Variants in PIEZO2 observed in about 807,000 individuals in gnomAD.
PIEZO2 encodes the protein piezo-type mechanosensitive ion channel component 2.
In PIEZO2, 172 loss-of-function variants were observed where a neutral mutation model predicts 337.3. That is an observed-to-expected ratio of 0.51 (90% CI 0.45 to 0.58). The LOEUF is 0.58. PIEZO2 is among the 20% of genes least tolerant of loss of function. The pLI, the probability that PIEZO2 is intolerant of heterozygous loss-of-function variation, is 0.00. For missense variants in PIEZO2, 3,028 were observed against 3,391.3 expected, an observed-to-expected ratio of 0.89 and a Z score of 2.66; for synonymous variants, 1,251 against 1,228.5, an observed-to-expected ratio of 1.02 and a Z score of -0.38.
At chr18:10,723,158 G>T (rs2036392912) in intron 36 of PIEZO2, among the ~76,000 whole-genome samples, 1 of 151,788 alleles carries the variant, frequency 6.6e-6, no homozygotes, top group Non-Finnish European at 1.5e-5. Flanking sequence ...GTAGAGATGG[G>T]GTTTCTGCAT....
chr18:10,777,108 T>A (rs2038818423), intron 18 of PIEZO2, among the ~76,000 whole-genome samples: 1 of 152,200 alleles, frequency 6.6e-6, no homozygotes, highest in South Asian at 2.1e-4. Flanking sequence ...CTGCCTTCAA[T>A]CAGGCTGCTT....
chr18:10,697,885 A>T lies in PIEZO2; in HGVS notation c.6695-5T>A, dbSNP rs1358598799. 2 of 1,606,040 alleles carry T rather than the reference A, an allele frequency of 1.2e-6. No homozygotes were observed. The highest frequency in any genetic ancestry group is 1.7e-6 in the Non-Finnish European group (2 of 1,175,200). Reference sequence around the variant, plus strand: ...TGTTTCGGGTGCTTGTGCTGCCTAGAAATAAAAAGAGATCATAAGATGGGT... The same window carrying T: ...TGTTTCGGGTGCTTGTGCTGCCTAGTAATAAAAAGAGATCATAAGATGGGT... On this transcript the variant is annotated splice_polypyrimidine_tract_variant and splice_region_variant and intron_variant, in intron 44 of 55. Transcript: ENST00000674853.
chr18:11,007,085 A>G (rs1370674037), intron 2 of PIEZO2, among the ~76,000 whole-genome samples: 1 of 152,172 alleles, frequency 6.6e-6, no homozygotes, highest in East Asian at 1.9e-4. Flanking sequence ...ATTGTTAACT[A>G]TAGTCTCCTT....
rs2032766505 is a variant in PIEZO2 at position 10,942,223 on chromosome 18, T to C, written c.287-30995A>G. Reference sequence around the variant, plus strand: ...AGGGTGGGGCGCTGCTGAAAAGATATCCCAAAATGTGAAAGCGATTTTGGA... The same window carrying C: ...AGGGTGGGGCGCTGCTGAAAAGATACCCCAAAATGTGAAAGCGATTTTGGA... On this transcript the variant is annotated intron_variant, in intron 3 of 55. Coordinates refer to ENST00000674853, the MANE Select transcript of PIEZO2 (RefSeq NM_001378183.1). The surrounding 1 kb of genome is among the most constrained non-coding windows in gnomAD (Gnocchi z 4.4). 6.6e-6 allele frequency among the ~76,000 whole-genome samples: 1 copy of C among 152,110 alleles called. No individual in the cohort carries two copies. Among genetic ancestry groups the C allele is most frequent in the East Asian group, 1.9e-4 (1 of 5,196 alleles).
intron 3 of PIEZO2, among the ~76,000 whole-genome samples, chr18:10,921,124 G>T (rs1296406308): frequency 1.3e-5 from 2 of 152,154 alleles, no homozygotes; most frequent in African/African-American, 4.8e-5. Flanking sequence ...TCTAATAGAG[G>T]CCAGCTTTGA....
intron 2 of PIEZO2, among the ~76,000 whole-genome samples, chr18:11,042,494 T>C (rs2145813187): frequency 6.6e-6 from 1 of 152,370 alleles, no homozygotes; most frequent in East Asian, 1.9e-4. Flanking sequence ...ACATCACCAG[T>C]GACCAGTGTC....
intron 1 of PIEZO2, among the ~76,000 whole-genome samples, chr18:11,137,855 T>G (rs2040535165): frequency 6.6e-6 from 1 of 152,196 alleles, no homozygotes; most frequent in Non-Finnish European, 1.5e-5. Flanking sequence ...ACAGATCGAT[T>G]TGTGTGGTTC....
chr18:10,674,411 T>C (rs2033902921), intron 54 of PIEZO2, among the ~76,000 whole-genome samples: 1 of 152,256 alleles, frequency 6.6e-6, no homozygotes, highest in South Asian at 2.1e-4. Context: ...TAAGAGATAC[T>C]TATTTACTGC....
intron 2 of PIEZO2, among the ~76,000 whole-genome samples, chr18:11,026,430 C>T (rs554627766): frequency 4.6e-5 from 7 of 152,240 alleles, no homozygotes; most frequent in East Asian, 3.9e-4. Context: ...GTGACTTCCC[C>T]GTTCCCGGAG....
Position 10,979,695 on chromosome 18 carries a change from C to T in PIEZO2, c.161-35G>A, listed in dbSNP as rs1481839195. On this transcript the variant is annotated intron_variant, in intron 2 of 55. Coordinates refer to ENST00000674853, the MANE Select transcript of PIEZO2 (RefSeq NM_001378183.1). The surrounding 1 kb of genome is among the most constrained non-coding windows in gnomAD (Gnocchi z 4.0). ...AAAAAGTGCAGAGATTGTGAGAGAG[C>T]TTAAGATGAAACACACTGGTGCTGT... is the stretch of plus-strand genomic sequence containing the variant. 2.0e-6 allele frequency: 3 copies of T among 1,501,358 alleles called. No individual in the cohort carries two copies. The highest frequency in any genetic ancestry group is 4.1e-5 in the Admixed American group (2 of 49,214). The allele number at this position is 1,501,358 out of a possible 1,614,324, so 93.0% of individuals were successfully genotyped here.
rs1168498347 is a variant in PIEZO2 at position 11,016,765 on chromosome 18, A to G, written c.161-37105T>C. On this transcript the variant is annotated intron_variant, in intron 2 of 55. Transcript: ENST00000674853. This position sits in a 1 kb window ranked among gnomAD's most constrained non-coding sequence, Gnocchi z 5.6. ...GGAGGCAAATTCCTTCCCAGTTTTC[A>G]TCCCCATACATGTGGATTTGATATA... 6.6e-6 allele frequency among the ~76,000 whole-genome samples: 1 copy of G among 152,218 alleles called. No individual in the cohort carries two copies. Among genetic ancestry groups the G allele is most frequent in the Non-Finnish European group, 1.5e-5 (1 of 68,040 alleles).
intron 12 of PIEZO2, among the ~76,000 whole-genome samples, chr18:10,796,853 T>C (rs1287965262): frequency 2.6e-5 from 4 of 152,194 alleles, no homozygotes; most frequent in African/African-American, 9.7e-5. Flanking sequence ...TATCATATCA[T>C]ACATACCATC....
chr18:10,737,962 G>A (rs1250690564), intron 33 of PIEZO2: 1 of 152,080 alleles, frequency 6.6e-6, no homozygotes, highest in Non-Finnish European at 1.5e-5. Context: ...AAGTAATTTT[G>A]CCCACGATTT....
intron 11 of PIEZO2, among the ~76,000 whole-genome samples, chr18:10,798,929 G>C (rs1267503433): frequency 6.7e-6 from 1 of 149,446 alleles, no homozygotes; most frequent in East Asian, 2.1e-4. Context: ...CGAAACAGTA[G>C]AGTTTGAAGC....
intron 2 of PIEZO2, among the ~76,000 whole-genome samples, chr18:11,059,285 C>T (rs1371838932): frequency 6.6e-6 from 1 of 152,186 alleles, no homozygotes; most frequent in African/African-American, 2.4e-5. Context: ...ACAACCAGTA[C>T]CAGCCACTGC....
At chr18:10,816,678 T>C (rs1193941785) in intron 7 of PIEZO2, among the ~76,000 whole-genome samples, 1 of 150,706 alleles carries the variant, frequency 6.6e-6, no homozygotes, top group East Asian at 1.9e-4. Context: ...GGAAAAAAAA[T>C]TGGTGCATCA....
intron 18 of PIEZO2, among the ~76,000 whole-genome samples, chr18:10,779,213 G>C (rs114538667): frequency 0.015 from 2,289 of 152,226 alleles, 40 homozygotes; most frequent in African/African-American, 0.052. Flanking sequence ...TTTGTAATTT[G>C]GTTGTCTGCC....
At chr18:11,020,275 G>A (rs575603811) in intron 2 of PIEZO2, among the ~76,000 whole-genome samples, 9 of 152,224 alleles carry the variant, frequency 5.9e-5, no homozygotes, top group African/African-American at 1.4e-4. Context: ...GTCTGATGGG[G>A]TCCATTAACA....
In PIEZO2 at chr18:10,895,243, C is replaced by G. The variant is rs1313629695; in HGVS notation, c.329+15943G>C. On this transcript the variant is annotated intron_variant, in intron 4 of 55. Coordinates refer to ENST00000674853, the MANE Select transcript of PIEZO2 (RefSeq NM_001378183.1). The surrounding 1 kb of genome is among the most constrained non-coding windows in gnomAD (Gnocchi z 4.8). ...GGTGGATCACTTGAGGTCAGGAGAT[C>G]GAGACCAGCCTGGCCAACATGGTGA... Among the ~76,000 whole-genome samples, 1 of 151,948 alleles carries G rather than the reference C, an allele frequency of 6.6e-6. No individual in the cohort carries two copies. Among genetic ancestry groups the G allele is most frequent in the Non-Finnish European group, 1.5e-5 (1 of 67,994 alleles).
Sources: allele counts gnomAD v4.1 joint callset (sites outside exome capture counted in the v4.1 genomes callset), GRCh38; gene constraint gnomAD v4.1.1; non-coding constraint Gnocchi (gnomAD v3.1); transcripts MANE v1.5; gene names NCBI Gene and HGNC (gene_info 2026-07-23, HGNC 2026-07-21).